Variants in ARHGEF26 observed in about 807,000 individuals in gnomAD.
The protein encoded by ARHGEF26 is Rho guanine nucleotide exchange factor (GEF) 26.
Under a neutral mutation model 89.4 loss-of-function variants are expected in ARHGEF26, and 59 were observed. The observed-to-expected ratio is 0.66, with a 90% confidence interval of 0.54 to 0.82. ARHGEF26 has a LOEUF of 0.82. Ranked by LOEUF, ARHGEF26 falls within the 40% of genes least tolerant of loss-of-function variation. ARHGEF26 has a pLI of 0.00. For synonymous variants in ARHGEF26, 500 were observed against 428.4 expected, an observed-to-expected ratio of 1.17 and a Z score of -2.06; for missense variants, 1,234 against 1,085.6, an observed-to-expected ratio of 1.14 and a Z score of -1.92.
intron 4 of ARHGEF26, among the ~76,000 whole-genome samples, chr3:154,149,075 G>GTGC (rs1292432097): frequency 6.6e-6 from 1 of 152,140 alleles, no homozygotes; most frequent in Non-Finnish European, 1.5e-5. Context: ...TATTAGCTAT[G>GTGC]TGCTCTTGGA....
At chr3:154,213,817 T>TA (rs904795521) in intron 9 of ARHGEF26, among the ~76,000 whole-genome samples, 51 of 152,198 alleles carry the variant, frequency 3.4e-4, no homozygotes, top group African/African-American at 1.1e-3. Flanking sequence ...TTCTTTTTTT[T>TA]AAAAATGACT....
chr3:154,134,397 G>A (rs1487837984), intron 4 of ARHGEF26, among the ~76,000 whole-genome samples: 1 of 152,122 alleles, frequency 6.6e-6, no homozygotes, highest in Admixed American at 6.6e-5. Context: ...AGCAAGTCAC[G>A]CCTTATGTGG....
chr3:154,184,168 T>G (rs1406444907), intron 6 of ARHGEF26, among the ~76,000 whole-genome samples: 1 of 152,094 alleles, frequency 6.6e-6, no homozygotes, highest in African/African-American at 2.4e-5. Context: ...GAGATGAGGT[T>G]TCACTGTGTT....
intron 9 of ARHGEF26, among the ~76,000 whole-genome samples, chr3:154,213,231 GTGTGTGTGTGTA>G: frequency 1.4e-5 from 2 of 145,362 alleles, no homozygotes; most frequent in Non-Finnish European, 3.1e-5. Context: ...GTGTGTGTGT[GTGTGTGTGTGTA>G]TATATATATA....
chr3:154,152,545 T>A (rs1199442309), intron 5 of ARHGEF26, among the ~76,000 whole-genome samples: 1 of 152,210 alleles, frequency 6.6e-6, no homozygotes, highest in Non-Finnish European at 1.5e-5. Flanking sequence ...TGATTTCATT[T>A]TTTTCATATT....
chr3:154,218,306 G>A (rs935492256), intron 10 of ARHGEF26, among the ~76,000 whole-genome samples: 2 of 152,176 alleles, frequency 1.3e-5, no homozygotes, highest in Admixed American at 1.3e-4. Context: ...CTGAAAAACA[G>A]TAATATTCCA....
intron 4 of ARHGEF26, among the ~76,000 whole-genome samples, chr3:154,132,583 T>C (rs1226403399): frequency 1.3e-5 from 2 of 152,180 alleles, no homozygotes; most frequent in Non-Finnish European, 2.9e-5. Context: ...CGTGCATCAT[T>C]AACAATGTCA....
At chr3:154,165,237 G>A (rs1300092531) in intron 6 of ARHGEF26, among the ~76,000 whole-genome samples, 1 of 151,798 alleles carries the variant, frequency 6.6e-6, no homozygotes, top group Non-Finnish European at 1.5e-5. Flanking sequence ...CAGTCTTCCT[G>A]GCCAATACCC....
chr3:154,151,842 T>G (rs1365140961), intron 5 of ARHGEF26, among the ~76,000 whole-genome samples: 1 of 152,142 alleles, frequency 6.6e-6, no homozygotes, highest in East Asian at 1.9e-4. Flanking sequence ...GGGCAAGGAC[T>G]TGAAGGGGTG....
rs1718501461 is a variant in ARHGEF26, at chr3:154,256,322, A to C, written c.*849A>C. ...ACTGCAACCTCTGCTTCCTAGGTTC[A>C]AGTGATTCTCCTGCCTCAGCCTCCC... is the stretch of plus-strand genomic sequence containing the variant. On this transcript the variant is annotated 3_prime_UTR_variant, in exon 15 of 15. Coordinates refer to ENST00000465093, the MANE Select transcript of ARHGEF26 (RefSeq NM_015595.4). 2.2e-6 allele frequency: 2 copies of C among 923,134 alleles called. No homozygotes were observed. 57.2% of individuals were successfully genotyped at this position (923,134 alleles called of 1,614,324 possible).
intron 11 of ARHGEF26, among the ~76,000 whole-genome samples, chr3:154,227,907 A>G (rs1446789092): frequency 6.6e-6 from 1 of 152,210 alleles, no homozygotes; most frequent in Non-Finnish European, 1.5e-5. Flanking sequence ...TGAAAATATT[A>G]AAGGTATTTA....
In ARHGEF26 at chr3:154,158,150, C is replaced by T. The variant is rs534232979; in HGVS notation, c.1487+5218C>T. 1.1e-3 allele frequency among the ~76,000 whole-genome samples: 173 copies of T among 152,244 alleles called. 3 individuals carry two copies. The highest frequency in any genetic ancestry group is 3.9e-3 in the African/African-American group (161 of 41,558). On this transcript the variant is annotated intron_variant, in intron 6 of 14. Transcript: ENST00000465093. ...AGCCTGAATTGTCCCACCCAAATGC[C>T]ACTGAAGCCCTTTTTGAGATGCATG... is the stretch of plus-strand genomic sequence containing the variant.
At chr3:154,140,313 G>GT (rs1387948578) in intron 4 of ARHGEF26, among the ~76,000 whole-genome samples, 1 of 152,170 alleles carries the variant, frequency 6.6e-6, no homozygotes, top group Non-Finnish European at 1.5e-5. Context: ...TCTTTACTTT[G>GT]TAACAAGTCA....
At chr3:154,252,805 A>G (rs934671260) in intron 12 of ARHGEF26, among the ~76,000 whole-genome samples, 1 of 152,224 alleles carries the variant, frequency 6.6e-6, no homozygotes, top group Admixed American at 6.5e-5. Flanking sequence ...TGGGTATGCT[A>G]AATACCTTTT....
chr3:154,249,219 GTC>G (rs1450405992), intron 12 of ARHGEF26, among the ~76,000 whole-genome samples: 1 of 152,160 alleles, frequency 6.6e-6, no homozygotes, highest in Non-Finnish European at 1.5e-5. Context: ...CTGCAGCCCT[GTC>G]TCTGTGATTT....
At chr3:154,139,770 G>A (rs1428362607) in intron 4 of ARHGEF26, among the ~76,000 whole-genome samples, 1 of 152,058 alleles carries the variant, frequency 6.6e-6, no homozygotes, top group African/African-American at 2.4e-5. Context: ...GGATTTATCT[G>A]GAGCACATAT....
chr3:154,140,496 C>T (rs1031497993), intron 4 of ARHGEF26, among the ~76,000 whole-genome samples: 1 of 151,396 alleles, frequency 6.6e-6, no homozygotes, highest in African/African-American at 2.4e-5. Context: ...CTGACTTGGG[C>T]TTTTTTTTCT....
At chr3:154,132,288 A>G (rs903699887) in intron 4 of ARHGEF26, among the ~76,000 whole-genome samples, 1 of 152,178 alleles carries the variant, frequency 6.6e-6, no homozygotes, top group African/African-American at 2.4e-5. Flanking sequence ...AAATGTTAAT[A>G]TTTTAACATA....
At chr3:154,182,518 TG>T (rs1174958701) in intron 6 of ARHGEF26, among the ~76,000 whole-genome samples, 2 of 152,238 alleles carry the variant, frequency 1.3e-5, no homozygotes, top group Non-Finnish European at 2.9e-5. Context: ...CTGACCCTTC[TG>T]TTGTCTGCAC....
Sources: gnomAD v4.1 joint callset for allele counts (sites outside exome capture counted in the v4.1 genomes callset) on GRCh38, gnomAD v4.1.1 for gene constraint, MANE v1.5 for transcripts, NCBI Gene and HGNC (gene_info 2026-07-23, HGNC 2026-07-21) for gene names.